Variants in FBXL17 observed in about 807,000 individuals in gnomAD.
The protein encoded by FBXL17 is F-box/LRR-repeat protein 17.
Under a neutral mutation model 66.2 loss-of-function variants are expected in FBXL17, and 22 were observed. The ratio of observed to expected loss-of-function variants is 0.33; its 90% CI spans 0.24 to 0.47. The LOEUF (loss-of-function observed/expected upper bound fraction) is 0.47. Ranked by LOEUF, FBXL17 falls within the 20% of genes least tolerant of loss-of-function variation. The probability of loss-of-function intolerance (pLI) is 1.00; values close to 1 mark genes in which losing one functional copy is unlikely to be tolerated. For synonymous variants in FBXL17, 474 were observed against 400.5 expected (o/e 1.18, Z -2.19); for missense variants, 878 against 948.2 (o/e 0.93, Z 0.97).
intron 7 of FBXL17, among the ~76,000 whole-genome samples, chr5:108,007,030 G>A (rs1452702475): frequency 6.6e-6 from 1 of 152,182 alleles, no homozygotes; most frequent in African/African-American, 2.4e-5. Context: ...TATATTTAGT[G>A]CTGCCAGATT....
chr5:107,965,879 C>T (rs558354092), intron 7 of FBXL17, among the ~76,000 whole-genome samples: 21 of 152,146 alleles, frequency 1.4e-4, no homozygotes, highest in African/African-American at 4.8e-4. Flanking sequence ...CACCAATTAG[C>T]ACTTCTTACA....
intron 6 of FBXL17, among the ~76,000 whole-genome samples, chr5:108,068,938 A>G (rs1156343577): frequency 6.6e-6 from 1 of 152,226 alleles, no homozygotes; most frequent in Middle Eastern, 3.2e-3. Context: ...TAATGGGGTG[A>G]TTAGAATACT....
At chr5:108,204,911 G>C (rs1449199801) in intron 5 of FBXL17, among the ~76,000 whole-genome samples, 1 of 151,620 alleles carries the variant, frequency 6.6e-6, no homozygotes, top group Non-Finnish European at 1.5e-5. Context: ...TCAATATTTT[G>C]CATTTTTTTT....
At chr5:107,925,874 A>G (rs1207997194) in intron 7 of FBXL17, among the ~76,000 whole-genome samples, 1 of 152,194 alleles carries the variant, frequency 6.6e-6, no homozygotes, top group Non-Finnish European at 1.5e-5. Flanking sequence ...ATATCTTAAT[A>G]TGCAAACAGA....
intron 4 of FBXL17, among the ~76,000 whole-genome samples, chr5:108,293,551 G>T (rs762970222): frequency 2.6e-5 from 4 of 152,064 alleles, no homozygotes; most frequent in Non-Finnish European, 5.9e-5. Context: ...CTTCAAAATT[G>T]TAAGTCTAAA....
At chr5:108,377,246 T>C (rs1749504647) in intron 1 of FBXL17, among the ~76,000 whole-genome samples, 1 of 152,224 alleles carries the variant, frequency 6.6e-6, no homozygotes, top group Non-Finnish European at 1.5e-5. Context: ...CACATGTGCA[T>C]AGTTTCACGT....
At chr5:108,202,840 T>A (rs1753952533) in intron 5 of FBXL17, among the ~76,000 whole-genome samples, 1 of 152,164 alleles carries the variant, frequency 6.6e-6, no homozygotes, top group Non-Finnish European at 1.5e-5. Context: ...GATGGTGGGA[T>A]CTACTGGATC....
At chr5:107,981,785 C>G (rs1282943159) in intron 7 of FBXL17, among the ~76,000 whole-genome samples, 1 of 152,166 alleles carries the variant, frequency 6.6e-6, no homozygotes, top group South Asian at 2.1e-4. Flanking sequence ...TGAACAAACA[C>G]AGTAAGTAAA....
At chr5:108,193,218 G>C (rs570798187) in intron 5 of FBXL17, among the ~76,000 whole-genome samples, 1 of 152,130 alleles carries the variant, frequency 6.6e-6, no homozygotes, top group African/African-American at 2.4e-5. Context: ...AGATTAGCAC[G>C]ACACACTAAT....
chr5:108,356,664 G>A (rs539015263), intron 3 of FBXL17, among the ~76,000 whole-genome samples: 1 of 152,186 alleles, frequency 6.6e-6, no homozygotes, highest in South Asian at 2.1e-4. Context: ...CCAGGAGTTA[G>A]AGGGGAGGAG....
chr5:108,241,256 G>A (rs113859423), intron 4 of FBXL17, among the ~76,000 whole-genome samples: 1,953 of 152,214 alleles, frequency 0.013, 34 homozygotes, highest in African/African-American at 0.043. Flanking sequence ...TCAAGATAAC[G>A]CAGAGAAGGA....
At chr5:108,024,019 T>C (rs1158830530) in intron 6 of FBXL17, among the ~76,000 whole-genome samples, 2 of 152,162 alleles carry the variant, frequency 1.3e-5, no homozygotes, top group African/African-American at 4.8e-5. Context: ...GCCATGAGTC[T>C]CTAAACTCAG....
At chr5:108,282,456 A>G (rs1033310801) in intron 4 of FBXL17, among the ~76,000 whole-genome samples, 5 of 151,982 alleles carry the variant, frequency 3.3e-5, no homozygotes, top group Admixed American at 2.0e-4. Flanking sequence ...GCATTTGATA[A>G]AATTAAGCAT....
At chr5:108,011,107 G>T (rs1464792115) in intron 7 of FBXL17, among the ~76,000 whole-genome samples, 1 of 152,146 alleles carries the variant, frequency 6.6e-6, no homozygotes, top group Non-Finnish European at 1.5e-5. Context: ...ATTGTGTTTT[G>T]AGTGTTACTC....
intron 6 of FBXL17, among the ~76,000 whole-genome samples, chr5:108,134,730 T>C (rs1000758815): frequency 6.6e-6 from 1 of 152,194 alleles, no homozygotes; most frequent in Non-Finnish European, 1.5e-5. Context: ...TGTACTATAT[T>C]GATGTATCCG....
intron 7 of FBXL17, among the ~76,000 whole-genome samples, chr5:107,967,043 A>G (rs536946553): frequency 1.4e-4 from 21 of 152,226 alleles, no homozygotes; most frequent in African/African-American, 4.6e-4. Context: ...CTGGCTATCA[A>G]TGTGAATCAG....
intron 7 of FBXL17, among the ~76,000 whole-genome samples, chr5:107,989,042 C>T (rs1339463360): frequency 6.6e-6 from 1 of 151,830 alleles, no homozygotes; most frequent in Non-Finnish European, 1.5e-5. Context: ...TTATGGGGTA[C>T]AGGCGACATT....
chr5:108,199,678 C>T (rs1753813327), intron 5 of FBXL17, among the ~76,000 whole-genome samples: 1 of 152,024 alleles, frequency 6.6e-6, no homozygotes, highest in African/African-American at 2.4e-5. Context: ...TCTGCTTGTG[C>T]TTTGATGCCA....
intron 6 of FBXL17, among the ~76,000 whole-genome samples, chr5:108,122,159 T>A (rs898422727): frequency 6.6e-6 from 1 of 152,088 alleles, no homozygotes. Flanking sequence ...TTAAAATACA[T>A]AGTTTTTATA....
Sources: gnomAD v4.1 joint callset for allele counts (sites outside exome capture counted in the v4.1 genomes callset) on GRCh38, gnomAD v4.1.1 for gene constraint, MANE v1.5 for transcripts, NCBI Gene and HGNC (gene_info 2026-07-23, HGNC 2026-07-21) for gene names.